ATP2B2: variants seen among roughly 807,000 people sequenced by gnomAD.
The protein encoded by ATP2B2 is plasma membrane calcium-transporting ATPase 2.
Under a neutral mutation model 120.0 loss-of-function variants are expected in ATP2B2, and 15 were observed. That is an observed-to-expected ratio of 0.12 (90% CI 0.08 to 0.19). The LOEUF (loss-of-function observed/expected upper bound fraction) is 0.19, where lower values mean the gene tolerates loss of function less well. Among genes scored for constraint, ATP2B2 ranks in the 10% least tolerant of loss-of-function variants. ATP2B2 has a pLI of 1.00. For missense variants in ATP2B2, 1,045 were observed against 1,719.8 expected (o/e 0.61, Z 6.94); for synonymous variants, 694 against 700.3 (o/e 0.99, Z 0.14).
At chr3:10,365,257 C>A (rs2061010376) in intron 12 of ATP2B2, among the ~76,000 whole-genome samples, 1 of 152,250 alleles carries the variant, frequency 6.6e-6, no homozygotes, top group Non-Finnish European at 1.5e-5. Flanking sequence ...ATGCCCACAT[C>A]CCCACCCCAC....
chr3:10,398,340 C>T (rs989685029), intron 5 of ATP2B2, among the ~76,000 whole-genome samples: 13 of 152,240 alleles, frequency 8.5e-5, no homozygotes, highest in Admixed American at 3.9e-4. Context: ...GACATCTAGA[C>T]GCCCCAGGCG....
chr3:10,694,718 C>T (rs2071716152), intron 1 of ATP2B2, among the ~76,000 whole-genome samples: 1 of 152,172 alleles, frequency 6.6e-6, no homozygotes, highest in Admixed American at 6.5e-5. Context: ...AAATTGATCA[C>T]TCATTGTTTG....
chr3:10,655,981 T>C (rs916249029), intron 1 of ATP2B2, among the ~76,000 whole-genome samples: 5 of 152,224 alleles, frequency 3.3e-5, no homozygotes, highest in Non-Finnish European at 5.9e-5. Context: ...TTGGAGAACA[T>C]AGCTGAGAGA....
In ATP2B2 at chr3:10,328,655, G is replaced by C; in HGVS notation, c.*159C>G. 1 of 719,720 alleles carries C rather than the reference G, an allele frequency of 1.4e-6. No homozygotes were observed. The highest frequency in any genetic ancestry group is 2.0e-5 in the South Asian group (1 of 50,894). The allele number at this position is 719,720 out of a possible 1,614,324, so 44.6% of individuals were successfully genotyped here. A position where few individuals can be genotyped will look rare whatever the true frequency, so the allele number is the denominator to read the frequency against. On this transcript the variant is annotated 3_prime_UTR_variant, in exon 23 of 23. Coordinates refer to ENST00000360273, the MANE Select transcript of ATP2B2 (RefSeq NM_001001331.4). ...TCAAACAGCATCGCAGCCAGAGAAA[G>C]GGTCTGTGGGTGGAAACGTTGGTTT...
intron 1 of ATP2B2, among the ~76,000 whole-genome samples, chr3:10,627,062 T>G (rs536843641): frequency 1.3e-5 from 2 of 152,326 alleles, no homozygotes; most frequent in East Asian, 3.9e-4. Flanking sequence ...TTTCCCCATG[T>G]GTAAAACAAG....
At position 10,683,758 on chromosome 3, in the gene ATP2B2, G is replaced by GTGTGTA. The variant is rs1334250607; in HGVS notation, c.-460+24156_-460+24157insTACACA. ...TATATGTGTATATATATGTGTGTGT[G>GTGTGTA]TGTATATATATATATATATATATAT... On this transcript the variant is annotated intron_variant, in intron 1 of 21. Coordinates refer to the ATP2B2 transcript ENST00000646379. Among the ~76,000 whole-genome samples the GTGTGTA allele has an allele frequency of 2.4e-3, 80 of 33,640 alleles. 2 individuals carry two copies. Among genetic ancestry groups the GTGTGTA allele is most frequent in the African/African-American group, 8.6e-3 (72 of 8,394 alleles). 22.1% of individuals were successfully genotyped at this position (33,640 alleles called of 152,430 possible).
At chr3:10,706,763 G>A (rs1159193177) in intron 1 of ATP2B2, among the ~76,000 whole-genome samples, 1 of 152,210 alleles carries the variant, frequency 6.6e-6, no homozygotes, top group Non-Finnish European at 1.5e-5. Flanking sequence ...CTAGAAGGTG[G>A]GGAAACTGAG....
At chr3:10,514,179 C>T (rs1018376305) in intron 3 of ATP2B2, among the ~76,000 whole-genome samples, 14 of 152,164 alleles carry the variant, frequency 9.2e-5, no homozygotes, top group Non-Finnish European at 1.6e-4. Flanking sequence ...GATTTGGACT[C>T]AGGCAGCTGG....
chr3:10,416,131 G>T (rs1484699347), intron 2 of ATP2B2, among the ~76,000 whole-genome samples: 1 of 152,228 alleles, frequency 6.6e-6, no homozygotes, highest in East Asian at 1.9e-4. Flanking sequence ...CACTCTCCCA[G>T]ATTTTTCAAC....
At chr3:10,587,539 C>A (rs1428361341) in intron 2 of ATP2B2, among the ~76,000 whole-genome samples, 1 of 151,980 alleles carries the variant, frequency 6.6e-6, no homozygotes, top group African/African-American at 2.4e-5. Flanking sequence ...GCCACCACAC[C>A]CAGCTAATTT....
At chr3:10,428,527 C>A (rs1416210372) in intron 2 of ATP2B2, among the ~76,000 whole-genome samples, 1 of 152,128 alleles carries the variant, frequency 6.6e-6, no homozygotes, top group Non-Finnish European at 1.5e-5. Flanking sequence ...CACTTCTGTC[C>A]GGGAAGAATC....
Position 10,625,729 on chromosome 3 carries a change from A to C in ATP2B2, c.-459-5768T>G, listed in dbSNP as rs116615150. ...CCCCCACACTCAGGGACCCTTCAGC[A>C]GGGACCCCCTCCCATTGCCACCCAA... On this transcript the variant is annotated intron_variant, in intron 1 of 21. Coordinates refer to the ATP2B2 transcript ENST00000646379. Among the ~76,000 whole-genome samples, 1,323 of 152,254 alleles carry C rather than the reference A, an allele frequency of 8.7e-3. 18 individuals are homozygous for C. The highest frequency in any genetic ancestry group is 0.03 in the African/African-American group (1,254 of 41,542).
At chr3:10,595,268 G>A (rs930240587) in intron 2 of ATP2B2, among the ~76,000 whole-genome samples, 5 of 152,094 alleles carry the variant, frequency 3.3e-5, no homozygotes, top group Non-Finnish European at 5.9e-5. Flanking sequence ...GCCTTTTGGG[G>A]AAGGAGGCGT....
At chr3:10,365,835 G>GAA in intron 12 of ATP2B2, among the ~76,000 whole-genome samples, 1 of 152,260 alleles carries the variant, frequency 6.6e-6, no homozygotes, top group Non-Finnish European at 1.5e-5. Flanking sequence ...TGTTGTATGT[G>GAA]CATGATGGGT....
intron 1 of ATP2B2, among the ~76,000 whole-genome samples, chr3:10,470,998 G>A (rs534918756): frequency 6.6e-6 from 1 of 152,336 alleles, no homozygotes; most frequent in African/African-American, 2.4e-5. Context: ...AGAACGGGGG[G>A]CCTGGGGGGC....
chr3:10,468,146 C>G (rs1369474868), intron 1 of ATP2B2, among the ~76,000 whole-genome samples: 2 of 152,220 alleles, frequency 1.3e-5, no homozygotes, highest in African/African-American at 2.4e-5. Flanking sequence ...GACAGGGCCA[C>G]CCTGCTCCCC....
intron 1 of ATP2B2, among the ~76,000 whole-genome samples, chr3:10,647,594 C>T (rs898000330): frequency 2.6e-5 from 4 of 152,022 alleles, no homozygotes; most frequent in Non-Finnish European, 2.9e-5. Flanking sequence ...GGAGATGGCC[C>T]TGGTAAGGTT....
In ATP2B2 at chr3:10,346,622, C is replaced by T. The variant is rs116089724; in HGVS notation, c.2405-485G>A. 0.019 allele frequency among the ~76,000 whole-genome samples: 2,948 copies of T among 152,372 alleles called. 46 individuals are homozygous for T. The highest frequency in any genetic ancestry group is 0.068 in the Middle Eastern group (20 of 294). The stretch of plus-strand genomic sequence containing the variant: ...TGCCAGTGACCTCTGCCCCACCATT[C>T]TGGCCCTGACCTCCCTCCAGACATT... On this transcript the variant is annotated intron_variant, in intron 16 of 22. Transcript: ENST00000360273. The surrounding 1 kb of genome is among the most constrained non-coding windows in gnomAD (Gnocchi z 4.1).
At chr3:10,354,402 C>T (rs892675989) in intron 14 of ATP2B2, among the ~76,000 whole-genome samples, 3 of 152,168 alleles carry the variant, frequency 2.0e-5, no homozygotes, top group East Asian at 1.9e-4. Context: ...TGACTTCTCT[C>T]GCTAAAATTA....
Sources: gnomAD v4.1 joint callset for allele counts (sites outside exome capture counted in the v4.1 genomes callset) on GRCh38, gnomAD v4.1.1 for gene constraint, Gnocchi (gnomAD v3.1) non-coding constraint, MANE v1.5 for transcripts, NCBI Gene and HGNC (gene_info 2026-07-23, HGNC 2026-07-21) for gene names.